The following ADGRV1 variants were observed in gnomAD, a reference collection of about 807,000 sequenced individuals.
The protein encoded by ADGRV1 is G-protein coupled receptor 98.
ADGRV1 carries 359 observed loss-of-function variants against 596.2 expected under a neutral mutation model. That is an observed-to-expected ratio of 0.60 (90% CI 0.55 to 0.66). The LOEUF (loss-of-function observed/expected upper bound fraction) is 0.66, where lower values mean the gene tolerates loss of function less well. ADGRV1 is among the 30% of genes least tolerant of loss of function. The probability of loss-of-function intolerance (pLI) is 0.00; values close to 1 mark genes in which losing one functional copy is unlikely to be tolerated. For missense variants in ADGRV1, 7,274 were observed against 7,575.6 expected, an observed-to-expected ratio of 0.96 and a Z score of 1.48; for synonymous variants, 2,681 against 2,679.2, an observed-to-expected ratio of 1.00 and a Z score of -0.02.
chr5:90,568,940 G>A (rs1235014616), intron 1 of ADGRV1, among the ~76,000 whole-genome samples: 1 of 152,054 alleles, frequency 6.6e-6, no homozygotes, highest in Non-Finnish European at 1.5e-5. Flanking sequence ...TCCATTTTCT[G>A]AATACCAGAG....
chr5:90,791,333 C>G lies in ADGRV1; in HGVS notation c.14504C>G (p.Pro4835Arg), dbSNP rs1177361044. 6.4e-7 allele frequency: 1 copy of G among 1,559,904 alleles called. No individual in the cohort carries two copies. The highest frequency in any genetic ancestry group is 2.4e-5 in the East Asian group (1 of 42,098). The stretch of plus-strand genomic sequence containing the variant: ...GCCACATATAAAGTGGACGTGGTGC[C>G]AATAAAGAATCAGGTTTGTGGCATT... ...DGATYKVDVVPIKNQVFLSLG... is the reference protein window; with the variant it reads ...DGATYKVDVVRIKNQVFLSLG... The change falls in exon 70 of 90, where the codon CCA (proline) becomes CGA (arginine). Residue 4835 changes from proline to arginine, a missense_variant. Pro to Arg is a moderately radical substitution (Grantham distance 103). Coordinates refer to ENST00000405460, the MANE Select transcript of ADGRV1 (RefSeq NM_032119.4).
At chr5:90,825,575 C>A (rs1318046595) in intron 76 of ADGRV1, among the ~76,000 whole-genome samples, 1 of 152,144 alleles carries the variant, frequency 6.6e-6, no homozygotes, top group East Asian at 1.9e-4. Context: ...CTTTAAACAT[C>A]TGTCTCGTAC....
chr5:90,625,325 C>A, intron 6 of ADGRV1, 82 bp downstream of exon 6: 1 of 765,608 alleles, frequency 1.3e-6, no homozygotes, highest in Admixed American at 2.2e-5. Context: ...TGTATTGTGG[C>A]CAGTCGCACC....
At chr5:91,156,463 A>T (rs1796489552) in intron 89 of ADGRV1, among the ~76,000 whole-genome samples, 1 of 152,250 alleles carries the variant, frequency 6.6e-6, no homozygotes, top group South Asian at 2.1e-4. Flanking sequence ...AGGCTATCAG[A>T]CTACAAGTAA....
intron 73 of ADGRV1, among the ~76,000 whole-genome samples, chr5:90,807,938 A>C (rs1252169298): frequency 6.6e-6 from 1 of 152,172 alleles, no homozygotes; most frequent in Non-Finnish European, 1.5e-5. Context: ...CTCTAAAGAG[A>C]GCTCCTCATG....
At chr5:91,145,267 G>A (rs1795435260) in intron 87 of ADGRV1, among the ~76,000 whole-genome samples, 1 of 152,140 alleles carries the variant, frequency 6.6e-6, no homozygotes, top group Admixed American at 6.5e-5. Context: ...AACACAAAAG[G>A]CTAGATATAA....
intron 83 of ADGRV1, among the ~76,000 whole-genome samples, chr5:90,946,667 A>G (rs1159380102): frequency 2.0e-5 from 3 of 151,734 alleles, no homozygotes; most frequent in African/African-American, 7.3e-5. Flanking sequence ...CCCTGTGTCC[A>G]TGTGTTCTCA....
rs530758352 is a variant in ADGRV1, at chr5:90,901,280, A to G, written c.17856+37423A>G. ...TTGTAAGTGTTCATAAATGTGGAGC[A>G]TTTCAAGCCAGATTCATCTTAGTCC... On this transcript the variant is annotated intron_variant, in intron 83 of 89. Coordinates refer to ENST00000405460, the MANE Select transcript of ADGRV1 (RefSeq NM_032119.4). Among the ~76,000 whole-genome samples, 3 of 152,298 alleles carry G rather than the reference A, an allele frequency of 2.0e-5. No homozygotes were observed. In the South Asian group the frequency reaches 6.2e-4, roughly 32 times the overall value.
chr5:90,927,291 G>T (rs568969122), intron 83 of ADGRV1, among the ~76,000 whole-genome samples: 1 of 151,130 alleles, frequency 6.6e-6, no homozygotes, highest in Non-Finnish European at 1.5e-5. Flanking sequence ...AGGTCACTCA[G>T]GACTTGCTTT....
At chr5:90,713,144 T>C (rs1749602784) in intron 42 of ADGRV1, among the ~76,000 whole-genome samples, 1 of 152,178 alleles carries the variant, frequency 6.6e-6, no homozygotes, top group Non-Finnish European at 1.5e-5. Flanking sequence ...ACTCCTGTTT[T>C]AGTCAGTGGC....
At chr5:90,820,429 A>G (rs1489370374) in intron 75 of ADGRV1, among the ~76,000 whole-genome samples, 11 of 150,120 alleles carry the variant, frequency 7.3e-5, no homozygotes, top group Non-Finnish European at 1.3e-4. Flanking sequence ...TAAAGTTAAT[A>G]TTGTTATGTG....
At chr5:90,759,152 T>A (rs1756166808) in intron 57 of ADGRV1, among the ~76,000 whole-genome samples, 1 of 152,186 alleles carries the variant, frequency 6.6e-6, no homozygotes, top group African/African-American at 2.4e-5. Context: ...TTTCTGACTT[T>A]GAAATACCAT....
chr5:91,044,000 T>A (rs539426549), intron 85 of ADGRV1, among the ~76,000 whole-genome samples: 39 of 152,162 alleles, frequency 2.6e-4, no homozygotes, highest in African/African-American at 8.2e-4. Context: ...GACTGTATAC[T>A]TGGAGTCTAG....
chr5:90,958,595 A>G (rs1370041189), intron 83 of ADGRV1, among the ~76,000 whole-genome samples: 1 of 152,122 alleles, frequency 6.6e-6, no homozygotes, highest in Non-Finnish European at 1.5e-5. Flanking sequence ...AGGTGTCTTC[A>G]GGGTTGACTT....
chr5:91,136,545 T>A (rs1338179571), intron 87 of ADGRV1, among the ~76,000 whole-genome samples: 1 of 152,248 alleles, frequency 6.6e-6, no homozygotes, highest in Non-Finnish European at 1.5e-5. Flanking sequence ...AGGTTAAGGA[T>A]GAGATCAACT....
intron 1 of ADGRV1, among the ~76,000 whole-genome samples, chr5:90,596,132 C>T (rs1383263739): frequency 8.8e-5 from 13 of 148,372 alleles, no homozygotes; most frequent in African/African-American, 2.3e-4. Context: ...CGGGCAGAGG[C>T]GCTCCTCACA....
In ADGRV1 at chr5:90,629,325, C is replaced by A; in HGVS notation, c.1625C>A (p.Thr542Lys). The A allele has an allele frequency of 6.2e-7, 1 of 1,613,494 alleles. No homozygotes were observed. The highest frequency in any genetic ancestry group is 8.5e-7 in the Non-Finnish European group (1 of 1,179,738). ...PGERYLSLSF[T>K]RLGGTKGDVR... ...GAACGATACTTATCCTTGAGTTTTA[C>A]AAGACTAGGAGGGACTAAAGGAGAT... Residue 542 changes from threonine (T) to lysine (K), a missense_variant, in exon 9 of 90, where the codon ACA (threonine) becomes AAA (lysine). Transcript: ENST00000405460.
At chr5:90,796,435 A>C (rs535184315) in intron 70 of ADGRV1, among the ~76,000 whole-genome samples, 2 of 152,184 alleles carry the variant, frequency 1.3e-5, no homozygotes, top group East Asian at 3.9e-4. Context: ...AGAAAAAAAA[A>C]ATAAAAAGGA....
At chr5:90,730,869 C>T (rs1026973479) in intron 50 of ADGRV1, among the ~76,000 whole-genome samples, 4 of 152,106 alleles carry the variant, frequency 2.6e-5, no homozygotes, top group Non-Finnish European at 2.9e-5. Flanking sequence ...ACAGGTGACT[C>T]TGGATGAATC....
Sources: allele counts gnomAD v4.1 joint callset (sites outside exome capture counted in the v4.1 genomes callset), GRCh38; gene constraint gnomAD v4.1.1; transcripts MANE v1.5; gene names NCBI Gene and HGNC (gene_info 2026-07-23, HGNC 2026-07-21).